CEP70: variants seen among roughly 807,000 people sequenced by gnomAD.
The protein encoded by CEP70 is centrosomal protein of 70 kDa.
A neutral mutation model predicts 90.9 loss-of-function variants in CEP70; 70 were observed. The ratio of observed to expected loss-of-function variants is 0.77; its 90% CI spans 0.64 to 0.94. The LOEUF (loss-of-function observed/expected upper bound fraction) is 0.94, where lower values mean the gene tolerates loss of function less well. Ranked by LOEUF, CEP70 falls within the 40% of genes least tolerant of loss-of-function variation. The pLI, the probability that CEP70 is intolerant of heterozygous loss-of-function variation, is 0.00. For missense variants in CEP70, 648 were observed against 669.0 expected (o/e 0.97, Z 0.35); for synonymous variants, 220 against 228.3 (o/e 0.96, Z 0.33).
chr3:138,545,766 G>A (rs1037716461), intron 6 of CEP70, among the ~76,000 whole-genome samples: 4 of 152,160 alleles, frequency 2.6e-5, no homozygotes, highest in Non-Finnish European at 1.5e-5. Flanking sequence ...GGGAGTGTCT[G>A]TCTTATGCGG....
Position 138,539,555 on chromosome 3 carries a change from C to T in CEP70, c.466-2208G>A, listed in dbSNP as rs565129397. 2.0e-5 allele frequency among the ~76,000 whole-genome samples: 3 copies of T among 152,030 alleles called. No individual in the cohort carries two copies. In the South Asian group the frequency reaches 6.3e-4, roughly 32 times the overall value. On this transcript the variant is annotated intron_variant, in intron 6 of 17. Transcript: ENST00000264982. ...CCTGAACTGAAAAATGCATTAGAGG[C>T]TTTTAATAGCAGACTGGATCAAGCA...
At chr3:138,519,301 G>C (rs2036370567) in intron 11 of CEP70, among the ~76,000 whole-genome samples, 3 of 152,116 alleles carry the variant, frequency 2.0e-5, no homozygotes, top group Admixed American at 2.0e-4. Context: ...AGCAAGGCAG[G>C]CCAACATTCA....
intron 6 of CEP70, among the ~76,000 whole-genome samples, chr3:138,561,419 A>G (rs764642117): frequency 7.2e-5 from 11 of 152,156 alleles, no homozygotes; most frequent in Non-Finnish European, 1.3e-4. Flanking sequence ...AGGTAGATAA[A>G]TCTACGAAGA....
chr3:138,509,830 T>C (rs2035354044), intron 11 of CEP70, among the ~76,000 whole-genome samples: 1 of 152,162 alleles, frequency 6.6e-6, no homozygotes, highest in African/African-American at 2.4e-5. Flanking sequence ...ACCTACCAGT[T>C]AGTCACTTAG....
At chr3:138,540,250 T>C (rs1576728523) in intron 6 of CEP70, among the ~76,000 whole-genome samples, 1 of 150,640 alleles carries the variant, frequency 6.6e-6, no homozygotes, top group South Asian at 2.1e-4. Flanking sequence ...ATCCCAACAC[T>C]TTGGGAGGCT....
chr3:138,591,328 TC>T (rs772191272), intron 2 of CEP70, among the ~76,000 whole-genome samples: 1 of 152,146 alleles, frequency 6.6e-6, no homozygotes, highest in East Asian at 1.9e-4. Context: ...GTTACCCAAC[TC>T]TAAACAAGAT....
At chr3:138,526,719 C>A (rs1376530072) in intron 10 of CEP70, among the ~76,000 whole-genome samples, 3 of 152,146 alleles carry the variant, frequency 2.0e-5, no homozygotes, top group Non-Finnish European at 4.4e-5. Context: ...AATAACAAGG[C>A]ATTCCAGTAT....
Position 138,497,339 on chromosome 3 carries a change from A to C in CEP70, c.1732+692T>G. On this transcript the variant is annotated intron_variant, in intron 17 of 17. Coordinates refer to ENST00000264982, the MANE Select transcript of CEP70 (RefSeq NM_024491.4). ...AGCAAAGAGCCATTCTTTAAAAAAA[A>C]AAAAAAATCTTTCAAATGAGCTATA... 2.4e-6 allele frequency: 3 copies of C among 1,257,706 alleles called. No homozygotes were observed. In the South Asian group the frequency reaches 4.1e-5, roughly 17 times the overall value. The allele number at this position is 1,257,706 out of a possible 1,614,324, so 77.9% of individuals were successfully genotyped here.
intron 6 of CEP70, among the ~76,000 whole-genome samples, chr3:138,544,212 A>G (rs1045041559): frequency 2.6e-5 from 4 of 152,142 alleles, no homozygotes; most frequent in African/African-American, 9.7e-5. Flanking sequence ...AGCAAAAATA[A>G]AACAGGTACA....
intron 6 of CEP70, among the ~76,000 whole-genome samples, chr3:138,566,996 A>G (rs2040840603): frequency 6.6e-6 from 1 of 152,186 alleles, no homozygotes; most frequent in South Asian, 2.1e-4. Flanking sequence ...ATGAATGGAT[A>G]AACAAACTGT....
chr3:138,505,177 A>T, intron 13 of CEP70, 118 bp downstream of exon 13: 2 of 739,958 alleles, frequency 2.7e-6, no homozygotes, highest in Non-Finnish European at 4.0e-6. Context: ...CTTTAGAGTT[A>T]ACACACAAAC....
chr3:138,529,394 G>A lies in CEP70; in HGVS notation c.761C>T (p.Thr254Ile). 2 of 1,609,746 alleles carry A rather than the reference G, an allele frequency of 1.2e-6. No homozygotes were observed. The highest frequency in any genetic ancestry group is 1.7e-6 in the Non-Finnish European group (2 of 1,177,616). ...CCATACCATTAAAAGGCCTTTATAA[G>A]TTGGTGAGGCATCCAGATTTCTGTA... Reference protein sequence around the residue: ...NDYRNLDASPTYKGLLMSLQN... With the variant: ...NDYRNLDASPIYKGLLMSLQN... Residue 254 changes from threonine (T) to isoleucine (I), a missense_variant, in exon 9 of 18, where the codon ACT (threonine) becomes ATT (isoleucine). Thr to Ile is a moderately conservative substitution (Grantham distance 89). Transcript: ENST00000264982.
chr3:138,529,575 A>C, intron 8 of CEP70, 113 bp from the exon 9 acceptor site: 1 of 659,752 alleles, frequency 1.5e-6, no homozygotes, highest in Non-Finnish European at 2.6e-6. Flanking sequence ...AAATTAATCC[A>C]CATTTCCTAC....
At chr3:138,498,485 C>T (rs974594713) in intron 16 of CEP70, among the ~76,000 whole-genome samples, 1 of 151,614 alleles carries the variant, frequency 6.6e-6, no homozygotes, top group African/African-American at 2.4e-5. Context: ...GTAGTGCCTG[C>T]CACTACGCCC....
intron 6 of CEP70, among the ~76,000 whole-genome samples, chr3:138,541,545 A>C (rs764491472): frequency 1.3e-5 from 2 of 152,228 alleles, no homozygotes; most frequent in African/African-American, 2.4e-5. Flanking sequence ...CTCATAAGAA[A>C]TGCTAAAGGG....
At chr3:138,562,014 C>T (rs1428633742) in intron 6 of CEP70, among the ~76,000 whole-genome samples, 30 of 116,712 alleles carry the variant, frequency 2.6e-4, no homozygotes, top group Admixed American at 2.4e-3. Flanking sequence ...CAATGCAAGA[C>T]GCCGTCTCAA....
chr3:138,513,253 ATAC>A (rs940514584), intron 11 of CEP70, among the ~76,000 whole-genome samples: 1 of 152,094 alleles, frequency 6.6e-6, no homozygotes, highest in Non-Finnish European at 1.5e-5. Flanking sequence ...CCTGAAAGCT[ATAC>A]TACTACTACT....
chr3:138,548,798 G>A (rs1413198496), intron 6 of CEP70, among the ~76,000 whole-genome samples: 1 of 152,154 alleles, frequency 6.6e-6, no homozygotes, highest in Non-Finnish European at 1.5e-5. Flanking sequence ...GAATACATCA[G>A]GAAAGCTGAG....
chr3:138,560,247 G>A (rs530204692), intron 6 of CEP70, among the ~76,000 whole-genome samples: 4 of 152,292 alleles, frequency 2.6e-5, no homozygotes, highest in Non-Finnish European at 5.9e-5. Context: ...CCTCACCCAG[G>A]AAACACAAGG....
Sources: allele counts gnomAD v4.1 joint callset (sites outside exome capture counted in the v4.1 genomes callset), GRCh38; gene constraint gnomAD v4.1.1; transcripts MANE v1.5; gene names NCBI Gene and HGNC (gene_info 2026-07-23, HGNC 2026-07-21).